NDUFA12: variants seen among roughly 807,000 people sequenced by gnomAD.
The protein encoded by NDUFA12 is NADH dehydrogenase [ubiquinone] 1 alpha subcomplex subunit 12.
In NDUFA12, 17 loss-of-function variants were observed where a neutral mutation model predicts 20.3. The observed-to-expected ratio is 0.84, with a 90% CI of 0.57 to 1.26. The LOEUF (loss-of-function observed/expected upper bound fraction) is 1.26, where lower values mean the gene tolerates loss of function less well. NDUFA12 is among the 50% of genes most tolerant of loss of function. The pLI is 0.00. For synonymous variants in NDUFA12, 72 were observed against 63.6 expected (o/e 1.13, Z -0.63); for missense variants, 191 against 183.7 (o/e 1.04, Z -0.23).
chr12:94,989,911 A>G (rs1457531189), intron 3 of NDUFA12, among the ~76,000 whole-genome samples: 1 of 152,182 alleles, frequency 6.6e-6, no homozygotes, highest in Admixed American at 6.5e-5. Flanking sequence ...GTAGATGTCA[A>G]TCTGAATAAG....
intron 3 of NDUFA12, among the ~76,000 whole-genome samples, chr12:94,975,855 C>G (rs1440810703): frequency 1.3e-5 from 2 of 152,082 alleles, no homozygotes; most frequent in African/African-American, 2.4e-5. Flanking sequence ...TCGAGACCAG[C>G]CTGGGCAACA....
rs1874807930 is a variant in NDUFA12, at chr12:94,995,850, G to C, written c.170-1593C>G. ...ATAGTAACAGGATTGAAGAAATAAT[G>C]GTTCTTCCATACACTGGAATGTTGT... On this transcript the variant is annotated intron_variant, in intron 2 of 3. Coordinates refer to ENST00000327772, the MANE Select transcript of NDUFA12 (RefSeq NM_018838.5). 2.0e-5 allele frequency among the ~76,000 whole-genome samples: 3 copies of C among 151,876 alleles called. No homozygotes were observed. In the South Asian group the frequency reaches 6.2e-4, roughly 32 times the overall value.
intron 2 of NDUFA12, among the ~76,000 whole-genome samples, chr12:94,995,099 T>G (rs1014637832): frequency 6.6e-6 from 1 of 152,184 alleles, no homozygotes; most frequent in East Asian, 1.9e-4. Context: ...TACCTGCCAA[T>G]AGGGAACACT....
intron 3 of NDUFA12, chr12:94,972,271 A>G (rs1873914169): frequency 1.4e-5 from 4 of 281,574 alleles, no homozygotes; most frequent in South Asian, 9.5e-5. Context: ...ATTTTCAGAC[A>G]TGCCATGATT....
At chr12:94,989,815 C>A (rs572496078) in intron 3 of NDUFA12, among the ~76,000 whole-genome samples, 1 of 152,132 alleles carries the variant, frequency 6.6e-6, no homozygotes, top group Non-Finnish European at 1.5e-5. Context: ...CATAATTAAT[C>A]GCACATAATT....
chr12:94,996,324 TACACACACACACAC>T (rs71075891), intron 2 of NDUFA12, among the ~76,000 whole-genome samples: 4 of 141,184 alleles, frequency 2.8e-5, no homozygotes, highest in African/African-American at 1.0e-4. Flanking sequence ...CATATATAGG[TACACACACACACAC>T]ACACACACAC....
At chr12:94,991,358 A>C (rs1464677850) in intron 3 of NDUFA12, among the ~76,000 whole-genome samples, 1 of 152,138 alleles carries the variant, frequency 6.6e-6, no homozygotes, top group Non-Finnish European at 1.5e-5. Context: ...GATAAAGAAC[A>C]CTTCCGTCAT....
At chr12:94,985,278 T>A (rs1380398137) in intron 3 of NDUFA12, among the ~76,000 whole-genome samples, 1 of 151,876 alleles carries the variant, frequency 6.6e-6, no homozygotes, top group African/African-American at 2.4e-5. Flanking sequence ...TAAGCCATGG[T>A]CACACCACTG....
At chr12:94,974,722 G>A (rs4923654) in intron 3 of NDUFA12, among the ~76,000 whole-genome samples, 82,530 of 151,988 alleles carry the variant, frequency 0.54, 22,959 homozygotes, top group African/African-American at 0.66. Context: ...AGATCATTAC[G>A]TTAAGTGAAA....
chr12:94,978,284 C>A (rs1874123738), intron 3 of NDUFA12, among the ~76,000 whole-genome samples: 1 of 152,154 alleles, frequency 6.6e-6, no homozygotes, highest in African/African-American at 2.4e-5. Context: ...GTTATCAAAC[C>A]AGTTGGGAGG....
Position 94,973,384 on chromosome 12 carries a change from G to A in NDUFA12, c.258-1764C>T, listed in dbSNP as rs866365480. On this transcript the variant is annotated intron_variant, in intron 3 of 3. Transcript: ENST00000327772. ...ACCAATAAACTGTAACCATTCATATGAGCACACGAGCGCTGAAGCCCTTAT... is the reference window on the plus strand; with the variant it reads ...ACCAATAAACTGTAACCATTCATATAAGCACACGAGCGCTGAAGCCCTTAT... 2.0e-5 allele frequency among the ~76,000 whole-genome samples: 3 copies of A among 152,198 alleles called. No individual in the cohort carries two copies. In the East Asian group the frequency reaches 5.8e-4, roughly 29 times the overall value.
chr12:95,000,756 T>G (rs1168287855), intron 2 of NDUFA12, among the ~76,000 whole-genome samples: 1 of 152,176 alleles, frequency 6.6e-6, no homozygotes, highest in African/African-American at 2.4e-5. Flanking sequence ...AAAGCATGTA[T>G]TTTCTCCTTT....
chr12:94,994,882 C>A (rs1443572793), intron 2 of NDUFA12, among the ~76,000 whole-genome samples: 2 of 152,136 alleles, frequency 1.3e-5, no homozygotes, highest in Non-Finnish European at 2.9e-5. Context: ...TTAAACTGAG[C>A]AAAGACTTGG....
chr12:94,978,177 G>A (rs1275648241), intron 3 of NDUFA12, among the ~76,000 whole-genome samples: 3 of 152,164 alleles, frequency 2.0e-5, no homozygotes, highest in East Asian at 1.9e-4. Flanking sequence ...GAAGCCACTG[G>A]GTCATTCTGA....
intron 3 of NDUFA12, among the ~76,000 whole-genome samples, chr12:94,981,574 CAT>C (rs1320133443): frequency 1.3e-5 from 2 of 152,028 alleles, no homozygotes; most frequent in East Asian, 1.9e-4. Context: ...GAGAATAAAA[CAT>C]ATAGGAAAAT....
At chr12:94,986,528 A>G (rs545164420) in intron 3 of NDUFA12, among the ~76,000 whole-genome samples, 2 of 152,342 alleles carry the variant, frequency 1.3e-5, no homozygotes, top group South Asian at 2.1e-4. Flanking sequence ...CACAATGTAA[A>G]CATGTATCAA....
At chr12:94,994,301 TA>T in intron 2 of NDUFA12, 44 bp from the exon 3 acceptor site, 1 of 1,448,016 alleles carries the variant, frequency 6.9e-7, no homozygotes, top group Non-Finnish European at 9.7e-7. Context: ...CTTTTTTTTT[TA>T]AAGCATAGAT....
chr12:94,987,540 C>A (rs1177348639), intron 3 of NDUFA12, among the ~76,000 whole-genome samples: 1 of 152,020 alleles, frequency 6.6e-6, no homozygotes, highest in African/African-American at 2.4e-5. Context: ...GTGGCTCATG[C>A]CTGTAATCTC....
intron 3 of NDUFA12, among the ~76,000 whole-genome samples, chr12:94,973,421 G>A (rs1168155675): frequency 6.6e-6 from 1 of 152,186 alleles, no homozygotes; most frequent in Non-Finnish European, 1.5e-5. Context: ...AGACGATAGT[G>A]GTGAGCCAGG....
Sources: gnomAD v4.1 joint callset for allele counts (sites outside exome capture counted in the v4.1 genomes callset) on GRCh38, gnomAD v4.1.1 for gene constraint, MANE v1.5 for transcripts, NCBI Gene and HGNC (gene_info 2026-07-23, HGNC 2026-07-21) for gene names.